CTNNA2: variants seen among roughly 807,000 people sequenced by gnomAD.
CTNNA2 encodes catenin alpha 2, also known as catenin alpha-2.
Under a neutral mutation model 101.0 loss-of-function variants are expected in CTNNA2, and 42 were observed. The observed-to-expected ratio is 0.42, with a 90% confidence interval of 0.32 to 0.54. The LOEUF is 0.54. Ranked by LOEUF, CTNNA2 falls within the 20% of genes least tolerant of loss-of-function variation. The pLI is 0.14. For missense variants in CTNNA2, 871 were observed against 1,223.1 expected (o/e 0.71, Z 4.29); for synonymous variants, 450 against 456.4 (o/e 0.99, Z 0.18).
At chr2:79,498,843 C>CCTATCA (rs1282325261) in intron 4 of CTNNA2, 1 of 152,172 alleles carries the variant, frequency 6.6e-6, no homozygotes, top group East Asian at 1.9e-4. Context: ...CATTCCTTTC[C>CCTATCA]CTATCAAACT....
chr2:79,886,430 G>C (rs915517996), intron 6 of CTNNA2, among the ~76,000 whole-genome samples: 2 of 151,952 alleles, frequency 1.3e-5, no homozygotes, highest in African/African-American at 4.8e-5. Context: ...TCATGCTGAA[G>C]GCCTTAGGAA....
At chr2:80,510,070 A>T (rs767760588) in intron 9 of CTNNA2, among the ~76,000 whole-genome samples, 4 of 152,220 alleles carry the variant, frequency 2.6e-5, no homozygotes, top group Non-Finnish European at 5.9e-5. Context: ...AGCCTGCAGC[A>T]GTTAGTATAG....
chr2:80,066,686 A>G (rs1444162865), intron 7 of CTNNA2, among the ~76,000 whole-genome samples: 2 of 152,242 alleles, frequency 1.3e-5, no homozygotes, highest in African/African-American at 4.8e-5. Flanking sequence ...GAGATATGTC[A>G]AAAAATTAAA....
intron 1 of CTNNA2, among the ~76,000 whole-genome samples, chr2:79,517,307 G>A (rs544970416): frequency 6.6e-6 from 1 of 152,252 alleles, no homozygotes; most frequent in East Asian, 1.9e-4. Context: ...TGAAGTATCA[G>A]TATTTATCAT....
intron 3 of CTNNA2, among the ~76,000 whole-genome samples, chr2:79,835,686 T>TGTTTG (rs1558565809): frequency 7.4e-6 from 1 of 134,834 alleles, no homozygotes; most frequent in African/African-American, 2.8e-5. Context: ...TTTTTTTTTT[T>TGTTTG]TTTTTTTTTT....
At chr2:79,828,640 G>T (rs187486866) in intron 3 of CTNNA2, among the ~76,000 whole-genome samples, 45 of 152,286 alleles carry the variant, frequency 3.0e-4, no homozygotes, top group African/African-American at 1.1e-3. Context: ...TTCTGCTCTT[G>T]GACTAAGTGT....
intron 9 of CTNNA2, among the ~76,000 whole-genome samples, chr2:80,423,125 T>G (rs949056064): frequency 2.6e-5 from 4 of 152,136 alleles, no homozygotes; most frequent in Non-Finnish European, 5.9e-5. Context: ...TTTATCAATT[T>G]TAAAAATAAG....
At chr2:79,981,122 T>C (rs1391510226) in intron 7 of CTNNA2, among the ~76,000 whole-genome samples, 1 of 152,136 alleles carries the variant, frequency 6.6e-6, no homozygotes, top group East Asian at 1.9e-4. Context: ...CCTGGTTTCT[T>C]TGAAAGAGCT....
intron 1 of CTNNA2, among the ~76,000 whole-genome samples, chr2:79,571,252 T>C (rs1675442874): frequency 6.6e-6 from 1 of 152,160 alleles, no homozygotes; most frequent in Admixed American, 6.6e-5. Flanking sequence ...AAATTGTATC[T>C]ATCATTCTTG....
intron 2 of CTNNA2, among the ~76,000 whole-genome samples, chr2:79,233,248 G>A (rs1351860215): frequency 6.6e-6 from 1 of 151,886 alleles, no homozygotes; most frequent in Non-Finnish European, 1.5e-5. Flanking sequence ...GTTTTGGTAA[G>A]GTGTGTCTCT....
chr2:79,991,991 G>A (rs966217802), intron 7 of CTNNA2, among the ~76,000 whole-genome samples: 1 of 150,446 alleles, frequency 6.6e-6, no homozygotes, highest in Non-Finnish European at 1.5e-5. Flanking sequence ...TGTTTCTTTT[G>A]CACCACAAAT....
intron 3 of CTNNA2, among the ~76,000 whole-genome samples, chr2:79,803,490 G>T (rs1676326574): frequency 6.6e-6 from 1 of 152,244 alleles, no homozygotes; most frequent in African/African-American, 2.4e-5. Flanking sequence ...GGTTGGGCTA[G>T]TTAACTGCAG....
At chr2:79,785,587 T>A (rs1451080551) in intron 3 of CTNNA2, among the ~76,000 whole-genome samples, 1 of 152,196 alleles carries the variant, frequency 6.6e-6, no homozygotes, top group Non-Finnish European at 1.5e-5. Flanking sequence ...TGAAAAGCTG[T>A]ATTTATAATT....
intron 9 of CTNNA2, among the ~76,000 whole-genome samples, chr2:80,513,426 A>G (rs1477144018): frequency 2.0e-5 from 3 of 152,228 alleles, no homozygotes; most frequent in Non-Finnish European, 4.4e-5. Flanking sequence ...CCTCAGGTGT[A>G]TACTACAAGA....
At chr2:80,222,686 A>G (rs535001426) in intron 7 of CTNNA2, among the ~76,000 whole-genome samples, 1 of 152,330 alleles carries the variant, frequency 6.6e-6, no homozygotes, top group African/African-American at 2.4e-5. Context: ...AGGATGTACA[A>G]GAAAAACTCA....
At chr2:80,630,633 C>T (rs1672187703) in intron 18 of CTNNA2, among the ~76,000 whole-genome samples, 1 of 151,840 alleles carries the variant, frequency 6.6e-6, no homozygotes. Flanking sequence ...AAGACTCCGT[C>T]TCAAAAATAA....
chr2:80,014,689 C>G (rs138911611), intron 7 of CTNNA2, among the ~76,000 whole-genome samples: 2 of 152,320 alleles, frequency 1.3e-5, no homozygotes, highest in African/African-American at 4.8e-5. Flanking sequence ...CTTTTTCTCT[C>G]TCCCTCTCTC....
intron 2 of CTNNA2, among the ~76,000 whole-genome samples, chr2:79,737,937 C>T (rs1671015252): frequency 6.6e-6 from 1 of 152,184 alleles, no homozygotes; most frequent in African/African-American, 2.4e-5. Flanking sequence ...GCCTGTTGAG[C>T]TTTTGCAGCC....
At chr2:80,238,239 G>T (rs1709649114) in intron 7 of CTNNA2, among the ~76,000 whole-genome samples, 1 of 152,066 alleles carries the variant, frequency 6.6e-6, no homozygotes, top group African/African-American at 2.4e-5. Flanking sequence ...AGGGCAAGGG[G>T]AATGGCGGCA....
Sources: allele counts gnomAD v4.1 joint callset (sites outside exome capture counted in the v4.1 genomes callset), GRCh38; gene constraint gnomAD v4.1.1; transcripts MANE v1.5; gene names NCBI Gene and HGNC (gene_info 2026-07-23, HGNC 2026-07-21).